Variants in MINAR1 observed in about 807,000 individuals in gnomAD.
The protein encoded by MINAR1 is membrane integral NOTCH2 associated receptor 1, also known as major intrinsically disordered Notch2-binding receptor 1.
MINAR1 carries 40 observed loss-of-function variants against 65.1 expected under a neutral mutation model. The ratio of observed to expected loss-of-function variants is 0.61; its 90% CI spans 0.48 to 0.80. The LOEUF is 0.80. Ranked by LOEUF, MINAR1 falls within the 30% of genes least tolerant of loss-of-function variation. MINAR1 has a pLI of 0.00. For missense variants in MINAR1, 1,128 were observed against 1,148.0 expected (o/e 0.98, Z 0.25); for synonymous variants, 482 against 449.1 (o/e 1.07, Z -0.93).
At chr15:79,455,840 T>A (rs1243159863) in intron 1 of MINAR1, among the ~76,000 whole-genome samples, 2 of 152,212 alleles carry the variant, frequency 1.3e-5, no homozygotes, top group South Asian at 4.1e-4. Context: ...TTTAAGATGT[T>A]TTGCTTTTTC....
rs1207143648 is a variant in MINAR1 at position 79,471,556 on chromosome 15, GTGAT to G, written c.*3176_*3179del. On this transcript the variant is annotated 3_prime_UTR_variant, in exon 4 of 4. Transcript: ENST00000305428. Reference sequence around the variant, plus strand: ...TTAGTATTTTAAGGTATGCAACTATGTGATTGACATCTGTAAGGCTAGTTTAATA... The same window carrying G: ...TTAGTATTTTAAGGTATGCAACTATGTGACATCTGTAAGGCTAGTTTAATA... The G allele has an allele frequency of 6.6e-6, 1 of 152,532 alleles. No homozygotes were observed. The highest frequency in any genetic ancestry group is 6.5e-5 in the Admixed American group (1 of 15,268). The allele number at this position is 152,532 out of a possible 1,614,324, so 9.4% of individuals were successfully genotyped here. A position where few individuals can be genotyped will look rare whatever the true frequency, so the allele number is the denominator to read the frequency against.
chr15:79,427,046 A>T, the MINAR1 span: 1 of 152,356 alleles, frequency 6.6e-6, no homozygotes, highest in African/African-American at 2.4e-5. Flanking sequence ...TAGACTGGAT[A>T]AAAAAATGTG....
At chr15:79,421,867 A>C in the MINAR1 span, 1 of 147,116 alleles carries the variant, frequency 6.8e-6, no homozygotes, top group African/African-American at 2.5e-5. Flanking sequence ...TTTAGAGGAA[A>C]GGGAAAAGGG....
intron 1 of MINAR1, among the ~76,000 whole-genome samples, chr15:79,445,981 A>G (rs555291595): frequency 2.0e-5 from 3 of 152,308 alleles, no homozygotes; most frequent in Admixed American, 1.3e-4. Context: ...AATATGATGT[A>G]TTTTGAAATA....
intron 1 of MINAR1, among the ~76,000 whole-genome samples, chr15:79,451,342 A>G (rs1034539100): frequency 3.3e-5 from 5 of 152,178 alleles, no homozygotes; most frequent in African/African-American, 9.7e-5. Flanking sequence ...TAGCCAAGGC[A>G]CAGGCGGAGG....
At position 79,468,557 on chromosome 15, in the gene MINAR1, C is replaced by A; in HGVS notation, c.*173C>A. 1 of 620,810 alleles carries A rather than the reference C, an allele frequency of 1.6e-6. No homozygotes were observed. Among genetic ancestry groups the A allele is most frequent in the South Asian group, 2.0e-5 (1 of 49,562 alleles). 38.5% of individuals were successfully genotyped at this position (620,810 alleles called of 1,614,324 possible). ...GAAAGTATACATTCTAGTGAGAAAT[C>A]TACCTACCTATTAGCTTTGACTCAA... On this transcript the variant is annotated 3_prime_UTR_variant, in exon 4 of 4. Transcript: ENST00000305428.
chr15:79,448,059 C>T (rs574551615), intron 1 of MINAR1, among the ~76,000 whole-genome samples: 1 of 152,324 alleles, frequency 6.6e-6, no homozygotes, highest in South Asian at 2.1e-4. Context: ...TCAATCTCTT[C>T]TCTATTTCTG....
intron 2 of MINAR1, among the ~76,000 whole-genome samples, chr15:79,461,385 G>A (rs1895635145): frequency 6.6e-6 from 1 of 152,196 alleles, no homozygotes; most frequent in Non-Finnish European, 1.5e-5. Context: ...GAGCAGAGTG[G>A]TGGACACATA....
At chr15:79,459,832 G>GT in intron 2 of MINAR1, among the ~76,000 whole-genome samples, 1 of 152,172 alleles carries the variant, frequency 6.6e-6, no homozygotes, top group Non-Finnish European at 1.5e-5. Flanking sequence ...AGGATCCAGA[G>GT]TTTGATATAT....
the MINAR1 span, chr15:79,422,544 G>C: frequency 7.0e-6 from 1 of 143,410 alleles, no homozygotes; most frequent in Non-Finnish European, 1.5e-5. Context: ...GTGAAACTCT[G>C]TCTCCAAAAA....
intron 3 of MINAR1, among the ~76,000 whole-genome samples, chr15:79,464,740 C>T (rs1327663522): frequency 5.3e-5 from 8 of 152,066 alleles, no homozygotes; most frequent in South Asian, 2.1e-4. Context: ...CAGTAGCAAC[C>T]CTAAGCCCTT....
At chr15:79,455,397 T>C (rs1027683472) in intron 1 of MINAR1, among the ~76,000 whole-genome samples, 3 of 152,210 alleles carry the variant, frequency 2.0e-5, no homozygotes, top group Admixed American at 6.5e-5. Flanking sequence ...AATTTCTAAA[T>C]TGAGGTATTA....
At chr15:79,455,947 A>G in intron 1 of MINAR1, 151 bp from the exon 2 acceptor site, 2 of 552,920 alleles carry the variant, frequency 3.6e-6, no homozygotes, top group East Asian at 5.7e-5. Context: ...ATCGAATGTT[A>G]TGAATATTTT....
chr15:79,422,099 T>C, the MINAR1 span: 2,771 of 152,302 alleles, frequency 0.018, 89 homozygotes, highest in East Asian at 0.11. Flanking sequence ...GTGTCTCACC[T>C]CATATGACCT....
chr15:79,467,661 A>AATTTGAAATAGTCTATG (rs1404108106), intron 3 of MINAR1, among the ~76,000 whole-genome samples: 1 of 152,188 alleles, frequency 6.6e-6, no homozygotes, highest in Non-Finnish European at 1.5e-5. Context: ...TAAATGGCTG[A>AATTTGAAATAGTCTATG]ATTTGAAATA....
intron 3 of MINAR1, 140 bp from the exon 4 acceptor site, chr15:79,468,047 G>A (rs1895938121): frequency 1.1e-5 from 7 of 650,850 alleles, no homozygotes; most frequent in Non-Finnish European, 1.3e-5. Context: ...GCATGGGGCT[G>A]GTGGGGCAGT....
intron 2 of MINAR1, among the ~76,000 whole-genome samples, chr15:79,459,169 A>ACT (rs3038063): frequency 0.07 from 10,600 of 152,140 alleles, 540 homozygotes; most frequent in East Asian, 0.28. Context: ...ACAGAGCAAG[A>ACT]CTGTCTCAAG....
intron 1 of MINAR1, among the ~76,000 whole-genome samples, chr15:79,441,290 G>A (rs761098127): frequency 5.3e-5 from 8 of 151,996 alleles, no homozygotes; most frequent in African/African-American, 1.7e-4. Context: ...TATACAAAGA[G>A]TGAGTGTCTG....
At position 79,468,279 on chromosome 15, in the gene MINAR1, C is replaced by T. The variant is rs531700611; in HGVS notation, c.2646C>T (p.Ala882=). The T allele has an allele frequency of 3.9e-5, 63 of 1,613,968 alleles. No individual in the cohort carries two copies. The highest frequency in any genetic ancestry group is 9.3e-5 in the African/African-American group (7 of 75,028). ...ATTCATTACTAAAACGTAAAGAAGC[C>T]GAATTCAGACGAGCCAAGGTCTGCA... ...GYDSLLKRKE[A]EFRRAKVCKI... Residue 882 remains alanine (A), a synonymous_variant, in exon 4 of 4, where the codon GCC becomes GCT. Transcript: ENST00000305428.
Sources: gnomAD v4.1 joint callset for allele counts (sites outside exome capture counted in the v4.1 genomes callset) on GRCh38, gnomAD v4.1.1 for gene constraint, MANE v1.5 for transcripts, NCBI Gene and HGNC (gene_info 2026-07-23, HGNC 2026-07-21) for gene names.